Variants in EPS15 observed in about 807,000 individuals in gnomAD.
EPS15 encodes the protein epidermal growth factor receptor substrate 15.
Under a neutral mutation model 113.8 loss-of-function variants are expected in EPS15, and 72 were observed. That is an observed-to-expected ratio of 0.63 (90% CI 0.52 to 0.77). EPS15 has a LOEUF of 0.77. EPS15 is among the 30% of genes least tolerant of loss of function. The pLI, the probability that EPS15 is intolerant of heterozygous loss-of-function variation, is 0.00. For missense variants in EPS15, 1,048 were observed against 1,045.8 expected (o/e 1.00, Z -0.03); for synonymous variants, 344 against 363.4 (o/e 0.95, Z 0.61).
chr1:51,475,330 C>T (rs1489414903), intron 2 of EPS15, among the ~76,000 whole-genome samples: 1 of 151,820 alleles, frequency 6.6e-6, no homozygotes, highest in Non-Finnish European at 1.5e-5. Context: ...TCTCCACATC[C>T]TCTCTAACAT....
At chr1:51,424,772 G>A (rs182009406) in intron 12 of EPS15, among the ~76,000 whole-genome samples, 7 of 152,010 alleles carry the variant, frequency 4.6e-5, no homozygotes, top group East Asian at 3.9e-4. Context: ...GTGTGGTCTC[G>A]CACACCTGTA....
chr1:51,396,840 A>C (rs1367844708), intron 20 of EPS15, among the ~76,000 whole-genome samples: 1 of 151,970 alleles, frequency 6.6e-6, no homozygotes, highest in African/African-American at 2.4e-5. Context: ...GGCTTGAGTC[A>C]AGTTCTACCA....
chr1:51,478,647 C>T (rs898971903), intron 2 of EPS15, among the ~76,000 whole-genome samples: 5 of 151,234 alleles, frequency 3.3e-5, no homozygotes, highest in Admixed American at 1.3e-4. Context: ...GTAAGGCAGG[C>T]CTGGTGGTGA....
At chr1:51,476,369 T>C (rs1467670357) in intron 2 of EPS15, among the ~76,000 whole-genome samples, 1 of 152,196 alleles carries the variant, frequency 6.6e-6, no homozygotes, top group Admixed American at 6.5e-5. Context: ...GTGTCCTCTT[T>C]TATTTCGCTG....
chr1:51,517,580 C>CA (rs1330101540), intron 1 of EPS15, among the ~76,000 whole-genome samples: 3 of 152,190 alleles, frequency 2.0e-5, no homozygotes, highest in African/African-American at 7.2e-5. Flanking sequence ...AACAGCCTGC[C>CA]AACAGGGATC....
chr1:51,466,503 A>C (rs549227704), intron 5 of EPS15, among the ~76,000 whole-genome samples: 3 of 151,832 alleles, frequency 2.0e-5, no homozygotes, highest in African/African-American at 7.2e-5. Context: ...GGTGCCTGTA[A>C]TCCCAGCTAC....
At chr1:51,403,118 A>T (rs1648742428) in intron 17 of EPS15, among the ~76,000 whole-genome samples, 1 of 152,194 alleles carries the variant, frequency 6.6e-6, no homozygotes, top group Non-Finnish European at 1.5e-5. Flanking sequence ...TATGTTGCCT[A>T]GTGCCTCCAA....
intron 1 of EPS15, among the ~76,000 whole-genome samples, chr1:51,493,132 C>T (rs1032635758): frequency 7.9e-5 from 12 of 152,148 alleles, no homozygotes; most frequent in African/African-American, 1.2e-4. Context: ...GAGGCCAAGG[C>T]GGGCGAATCA....
chr1:51,387,717 C>A (rs1467743250), intron 21 of EPS15, among the ~76,000 whole-genome samples: 1 of 152,044 alleles, frequency 6.6e-6, no homozygotes, highest in Non-Finnish European at 1.5e-5. Context: ...TCAAAAGAGA[C>A]AAAGAAGGCC....
At chr1:51,359,615 C>T (rs1646333734) in intron 24 of EPS15, among the ~76,000 whole-genome samples, 1 of 148,200 alleles carries the variant, frequency 6.7e-6, no homozygotes, top group Non-Finnish European at 1.5e-5. Flanking sequence ...CAAAATTAGC[C>T]AGGTGTGGTG....
chr1:51,445,553 T>A (rs903753743), intron 10 of EPS15, among the ~76,000 whole-genome samples: 1 of 151,840 alleles, frequency 6.6e-6, no homozygotes, highest in African/African-American at 2.4e-5. Context: ...GGAAATCACA[T>A]GTGAGGAAAA....
At chr1:51,486,053 C>A (rs1644115442) in intron 1 of EPS15, among the ~76,000 whole-genome samples, 1 of 152,092 alleles carries the variant, frequency 6.6e-6, no homozygotes, top group Non-Finnish European at 1.5e-5. Flanking sequence ...CCACCTCAGC[C>A]TCCCAAAGTG....
chr1:51,455,803 A>T (rs931987331), intron 8 of EPS15, among the ~76,000 whole-genome samples: 1 of 152,198 alleles, frequency 6.6e-6, no homozygotes, highest in Non-Finnish European at 1.5e-5. Context: ...GGGGGTAGAT[A>T]TGATTTTTTA....
chr1:51,479,285 C>T (rs1004141356), intron 2 of EPS15, among the ~76,000 whole-genome samples: 1 of 152,186 alleles, frequency 6.6e-6, no homozygotes, highest in Non-Finnish European at 1.5e-5. Flanking sequence ...AGTTCTCGTG[C>T]CATGGTTTTC....
chr1:51,384,677 A>C (rs1647022861), intron 21 of EPS15, among the ~76,000 whole-genome samples: 1 of 152,178 alleles, frequency 6.6e-6, no homozygotes, highest in Admixed American at 6.5e-5. Context: ...TTGGTAGTCA[A>C]ACTTTCTGAT....
At chr1:51,411,999 C>T (rs952740578) in intron 13 of EPS15, among the ~76,000 whole-genome samples, 2 of 152,152 alleles carry the variant, frequency 1.3e-5, no homozygotes, top group Non-Finnish European at 2.9e-5. Flanking sequence ...AAATGTGGCA[C>T]ATACATCCCA....
intron 13 of EPS15, among the ~76,000 whole-genome samples, chr1:51,415,657 G>T (rs1314528985): frequency 6.6e-6 from 1 of 151,604 alleles, no homozygotes; most frequent in Non-Finnish European, 1.5e-5. Flanking sequence ...TTAGCCAGGC[G>T]TGGTGGCGGA....
chr1:51,512,915 T>C (rs578072525), intron 1 of EPS15, among the ~76,000 whole-genome samples: 1 of 148,810 alleles, frequency 6.7e-6, no homozygotes, highest in East Asian at 2.0e-4. Context: ...AGTGGTGCAA[T>C]TATAGCTCAC....
At chr1:51,404,939 T>C (rs1648954040) in intron 16 of EPS15, among the ~76,000 whole-genome samples, 1 of 152,204 alleles carries the variant, frequency 6.6e-6, no homozygotes. Context: ...CTCTCCACCA[T>C]CACAAGATAT....
Sources: allele counts gnomAD v4.1 joint callset (sites outside exome capture counted in the v4.1 genomes callset), GRCh38; gene constraint gnomAD v4.1.1; transcripts MANE v1.5; gene names NCBI Gene and HGNC (gene_info 2026-07-23, HGNC 2026-07-21).